The following DLG2 variants were observed in gnomAD, a reference collection of about 807,000 sequenced individuals.
DLG2 encodes discs large MAGUK scaffold protein 2.
Under a neutral mutation model 132.5 loss-of-function variants are expected in DLG2, and 45 were observed. That is an observed-to-expected ratio of 0.34 (90% CI 0.27 to 0.44). The LOEUF is 0.44. Among genes scored for constraint, DLG2 ranks in the 20% least tolerant of loss-of-function variants. The pLI, the probability that DLG2 is intolerant of heterozygous loss-of-function variation, is 1.00. For synonymous variants in DLG2, 424 were observed against 419.6 expected (o/e 1.01, Z -0.13); for missense variants, 1,045 against 1,196.9 (o/e 0.87, Z 1.87).
intron 4 of DLG2, among the ~76,000 whole-genome samples, chr11:85,196,220 C>A (rs2081056726): frequency 6.6e-6 from 1 of 152,146 alleles, no homozygotes. Context: ...TTCAAAATTT[C>A]TTTAACACCA....
At chr11:84,312,803 T>C (rs149671329) in intron 7 of DLG2, among the ~76,000 whole-genome samples, 284 of 152,178 alleles carry the variant, frequency 1.9e-3, no homozygotes, top group African/African-American at 6.6e-3. Flanking sequence ...TTATTTTTTA[T>C]TATTATTAGT....
intron 3 of DLG2, among the ~76,000 whole-genome samples, chr11:85,403,442 A>G (rs1214232079): frequency 1.3e-5 from 2 of 152,074 alleles, no homozygotes; most frequent in Non-Finnish European, 2.9e-5. Flanking sequence ...GTACCTAAGT[A>G]ACAAACCTGC....
intron 6 of DLG2, among the ~76,000 whole-genome samples, chr11:85,082,863 AAAAC>A (rs1423235226): frequency 7.9e-5 from 12 of 152,002 alleles, no homozygotes; most frequent in African/African-American, 1.9e-4. Context: ...AAGAAAGTTC[AAAAC>A]AAACAAACAA....
chr11:85,351,542 T>C (rs1273062814), intron 3 of DLG2, among the ~76,000 whole-genome samples: 1 of 152,212 alleles, frequency 6.6e-6, no homozygotes, highest in Non-Finnish European at 1.5e-5. Context: ...ATATTGGCTG[T>C]GGGTTTGTCA....
chr11:84,563,333 A>ATTTATGTTG (rs1319429520), intron 6 of DLG2, among the ~76,000 whole-genome samples: 1 of 152,182 alleles, frequency 6.6e-6, no homozygotes, highest in Non-Finnish European at 1.5e-5. Context: ...TACTATTGTG[A>ATTTATGTTG]TTTATGTTGT....
chr11:85,096,654 C>G (rs2069847886), intron 6 of DLG2, among the ~76,000 whole-genome samples: 1 of 152,132 alleles, frequency 6.6e-6, no homozygotes, highest in Admixed American at 6.5e-5. Flanking sequence ...TTTGGCAACC[C>G]AGATGGGACA....
chr11:84,978,613 T>G (rs1487332315), intron 6 of DLG2, among the ~76,000 whole-genome samples: 1 of 152,174 alleles, frequency 6.6e-6, no homozygotes, highest in Non-Finnish European at 1.5e-5. Context: ...GCTAGCCATA[T>G]GTAGAAAGCT....
intron 8 of DLG2, among the ~76,000 whole-genome samples, chr11:84,168,079 T>G (rs1227833649): frequency 6.6e-6 from 1 of 152,192 alleles, no homozygotes; most frequent in Non-Finnish European, 1.5e-5. Flanking sequence ...AAAGAGCAAT[T>G]ATTAAGCATG....
chr11:84,067,517 G>C (rs533191999), intron 10 of DLG2, among the ~76,000 whole-genome samples: 2 of 151,156 alleles, frequency 1.3e-5, no homozygotes, highest in East Asian at 3.9e-4. Context: ...AAGACAAGTA[G>C]TTTATGCTCA....
intron 18 of DLG2, among the ~76,000 whole-genome samples, chr11:83,700,226 T>C (rs1176832379): frequency 1.3e-5 from 2 of 152,172 alleles, no homozygotes; most frequent in Non-Finnish European, 2.9e-5. Flanking sequence ...ACAGTAAGCA[T>C]TGACACACAT....
chr11:85,076,320 C>T (rs1481934004), intron 6 of DLG2, among the ~76,000 whole-genome samples: 1 of 151,926 alleles, frequency 6.6e-6, no homozygotes, highest in African/African-American at 2.4e-5. Flanking sequence ...GAGATCAAAA[C>T]CATTTAAATT....
intron 7 of DLG2, among the ~76,000 whole-genome samples, chr11:84,437,062 T>C (rs901101518): frequency 2.0e-5 from 3 of 152,200 alleles, no homozygotes; most frequent in Non-Finnish European, 4.4e-5. Flanking sequence ...GAGAGCTCTC[T>C]GAACAAGCAT....
chr11:84,433,909 G>A (rs1239683368), intron 7 of DLG2, among the ~76,000 whole-genome samples: 1 of 152,074 alleles, frequency 6.6e-6, no homozygotes, highest in Non-Finnish European at 1.5e-5. Flanking sequence ...TTGAGCTCAG[G>A]AGTTCGAGAC....
At chr11:84,938,156 T>G (rs1447094656) in intron 6 of DLG2, among the ~76,000 whole-genome samples, 1 of 152,190 alleles carries the variant, frequency 6.6e-6, no homozygotes, top group Non-Finnish European at 1.5e-5. Context: ...TCTACAAAGT[T>G]ATGGAACCAA....
intron 3 of DLG2, among the ~76,000 whole-genome samples, chr11:85,564,605 C>A (rs987044388): frequency 6.6e-6 from 1 of 152,000 alleles, no homozygotes. Flanking sequence ...CTACTCTGTT[C>A]CATTGATCTA....
At chr11:84,111,528 T>A (rs2093350050) in intron 9 of DLG2, among the ~76,000 whole-genome samples, 1 of 152,214 alleles carries the variant, frequency 6.6e-6, no homozygotes, top group Non-Finnish European at 1.5e-5. Flanking sequence ...AAATGTTTGA[T>A]GAGTTAAACT....
At chr11:83,922,979 A>G (rs1452758781) in intron 15 of DLG2, among the ~76,000 whole-genome samples, 3 of 152,124 alleles carry the variant, frequency 2.0e-5, no homozygotes, top group Non-Finnish European at 4.4e-5. Context: ...TAAGTATAAA[A>G]TCACATATGG....
chr11:83,990,272 C>G (rs1419396868), intron 11 of DLG2, among the ~76,000 whole-genome samples: 1 of 152,080 alleles, frequency 6.6e-6, no homozygotes, highest in East Asian at 1.9e-4. Flanking sequence ...GACGCACATA[C>G]AGAATTTCAG....
intron 3 of DLG2, among the ~76,000 whole-genome samples, chr11:85,537,311 G>A (rs778922161): frequency 1.4e-4 from 21 of 152,214 alleles, no homozygotes; most frequent in Non-Finnish European, 2.5e-4. Context: ...GCCAGCAGGG[G>A]CAACTGGCTC....
Sources: allele counts gnomAD v4.1 joint callset (sites outside exome capture counted in the v4.1 genomes callset), GRCh38; gene constraint gnomAD v4.1.1; transcripts MANE v1.5; gene names NCBI Gene and HGNC (gene_info 2026-07-23, HGNC 2026-07-21).